Variants in KDM7A observed in about 807,000 individuals in gnomAD.
KDM7A encodes the protein lysine-specific demethylase 7A.
KDM7A carries 28 observed loss-of-function variants against 114.8 expected under a neutral mutation model. That is an observed-to-expected ratio of 0.24 (90% CI 0.18 to 0.33). The LOEUF (loss-of-function observed/expected upper bound fraction) is 0.33. KDM7A is among the 10% of genes least tolerant of loss of function. The pLI, the probability that KDM7A is intolerant of heterozygous loss-of-function variation, is 1.00. For synonymous variants in KDM7A, 423 were observed against 397.8 expected (o/e 1.06, Z -0.75); for missense variants, 942 against 1,142.5 (o/e 0.82, Z 2.53).
intron 3 of KDM7A, 95 bp downstream of exon 3, chr7:140,133,444 C>A (rs1378912977): frequency 2.8e-6 from 2 of 703,126 alleles, no homozygotes; most frequent in African/African-American, 3.5e-5. Flanking sequence ...TGGGTTGCAG[C>A]CTAAGTTTGA....
chr7:140,113,642 G>A, intron 9 of KDM7A, 60 bp from the exon 10 acceptor site: 11 of 843,742 alleles, frequency 1.3e-5, no homozygotes, highest in Non-Finnish European at 1.7e-5. Flanking sequence ...AAGTTAAAGG[G>A]ATTAACTTCA....
chr7:140,167,116 T>C (rs1794585158), intron 1 of KDM7A, among the ~76,000 whole-genome samples: 1 of 151,930 alleles, frequency 6.6e-6, no homozygotes, highest in African/African-American at 2.4e-5. Context: ...ATAAATAAAA[T>C]AAATAAAAGA....
intron 2 of KDM7A, among the ~76,000 whole-genome samples, chr7:140,137,897 A>G (rs1818896353): frequency 6.6e-6 from 1 of 152,258 alleles, no homozygotes; most frequent in Non-Finnish European, 1.5e-5. Flanking sequence ...AAGAGGTCAT[A>G]TAAGTTACCT....
intron 1 of KDM7A, among the ~76,000 whole-genome samples, chr7:140,157,103 A>T (rs1794465604): frequency 6.6e-6 from 1 of 152,250 alleles, no homozygotes; most frequent in African/African-American, 2.4e-5. Flanking sequence ...TTACTGAACA[A>T]AGATCAAGGA....
At position 140,087,243 on chromosome 7, in the gene KDM7A, T is replaced by C. The variant is rs1817942909; in HGVS notation, c.*3851A>G. 1 of 152,224 alleles carries C rather than the reference T, an allele frequency of 6.6e-6. No individual in the cohort carries two copies. Among genetic ancestry groups the C allele is most frequent in the Non-Finnish European group, 1.5e-5 (1 of 68,034 alleles). 9.4% of individuals were successfully genotyped at this position (152,224 alleles called of 1,614,324 possible). ...ACCTTTATCTAGTACCTGAAGAGTA[T>C]GCTGAATCTGTGGGGATGGTACTTT... On this transcript the variant is annotated 3_prime_UTR_variant, in exon 20 of 20. Coordinates refer to ENST00000397560, the MANE Select transcript of KDM7A (RefSeq NM_030647.2).
At chr7:140,147,557 C>G (rs1013617750) in intron 1 of KDM7A, among the ~76,000 whole-genome samples, 1 of 152,160 alleles carries the variant, frequency 6.6e-6, no homozygotes, top group South Asian at 2.1e-4. Context: ...AAGCACCCAA[C>G]TACTCATTTT....
chr7:140,153,813 T>C lies in KDM7A; in HGVS notation c.195-14623A>G, dbSNP rs926591055. On this transcript the variant is annotated intron_variant, in intron 1 of 19. Transcript: ENST00000397560. ...ATTTTATTACTCCATTTATGCTCAA[T>C]TGGATTTTACTTCCAGAGTTATCAT... Among the ~76,000 whole-genome samples, 29 of 152,346 alleles carry C rather than the reference T, an allele frequency of 1.9e-4. No individual in the cohort carries two copies. The South Asian group carries it at 5.2e-3, about 27-fold the overall frequency.
intron 18 of KDM7A, 50 bp downstream of exon 18, chr7:140,094,006 G>T: frequency 8.8e-7 from 1 of 1,130,720 alleles, no homozygotes; most frequent in Non-Finnish European, 1.3e-6. Context: ...CAAAAACAAC[G>T]TTAATGATCA....
intron 1 of KDM7A, among the ~76,000 whole-genome samples, chr7:140,151,585 A>C (rs3779129): frequency 0.34 from 52,399 of 152,042 alleles, 9,271 homozygotes; most frequent in Middle Eastern, 0.43. Flanking sequence ...TTTTCAATGA[A>C]AAAGGACACA....
intron 1 of KDM7A, among the ~76,000 whole-genome samples, chr7:140,142,841 T>C (rs1471850290): frequency 6.6e-6 from 1 of 152,128 alleles, no homozygotes; most frequent in Non-Finnish European, 1.5e-5. Context: ...TTGTGAAGTC[T>C]ATAAATAGTA....
intron 3 of KDM7A, among the ~76,000 whole-genome samples, chr7:140,132,131 A>G (rs1818797455): frequency 6.6e-6 from 1 of 152,198 alleles, no homozygotes; most frequent in Non-Finnish European, 1.5e-5. Context: ...AAGATAATTC[A>G]TTCACTTTAT....
chr7:140,143,824 A>G (rs62491423), intron 1 of KDM7A, among the ~76,000 whole-genome samples: 9,351 of 152,236 alleles, frequency 0.061, 366 homozygotes, highest in Non-Finnish European at 0.09. Context: ...AAGCTATTAC[A>G]CTTTGCTTTT....
intron 1 of KDM7A, among the ~76,000 whole-genome samples, chr7:140,167,649 A>C (rs1428281834): frequency 6.6e-6 from 1 of 152,094 alleles, no homozygotes; most frequent in Non-Finnish European, 1.5e-5. Context: ...TAGAAGCTTA[A>C]AAAATAAAAC....
chr7:140,165,862 T>C (rs983031055), intron 1 of KDM7A, among the ~76,000 whole-genome samples: 2 of 152,030 alleles, frequency 1.3e-5, no homozygotes, highest in Admixed American at 1.3e-4. Flanking sequence ...AAACAGTATG[T>C]TGAGTTCCTA....
Position 140,096,594 on chromosome 7 carries a change from C to T in KDM7A, c.2335G>A (p.Val779Ile). The T allele has an allele frequency of 6.2e-7, 1 of 1,614,184 alleles. No homozygotes were observed. The highest frequency in any genetic ancestry group is 8.5e-7 in the Non-Finnish European group (1 of 1,180,008). The change falls in exon 17 of 20, where the codon GTT becomes ATT. Residue 779 changes from valine (V) to isoleucine (I), a missense_variant. By Grantham distance (29) the Val-to-Ile change is conservative. Coordinates refer to ENST00000397560, the MANE Select transcript of KDM7A (RefSeq NM_030647.2). ...TTATCATAGCGATACAACTGCCTAA[C>T]CTCATGGTTACTGCCATGGCAGCTG... ...PSSCHGSNHEVRQLYRYDKPV... is the reference protein window; with the variant it reads ...PSSCHGSNHEIRQLYRYDKPV...
intron 2 of KDM7A, 62 bp from the exon 3 acceptor site, chr7:140,133,718 A>C: frequency 1.2e-6 from 1 of 868,762 alleles, no homozygotes; most frequent in Non-Finnish European, 1.9e-6. Flanking sequence ...TGTGATTTCT[A>C]ATCATTATAT....
chr7:140,133,085 G>C (rs187860139), intron 3 of KDM7A, among the ~76,000 whole-genome samples: 1 of 152,320 alleles, frequency 6.6e-6, no homozygotes, highest in East Asian at 1.9e-4. Context: ...CACCCCTGCA[G>C]TGGTTGTGTG....
intron 1 of KDM7A, 84 bp from the exon 2 acceptor site, chr7:140,139,274 A>C: frequency 1.2e-6 from 1 of 848,756 alleles, no homozygotes; most frequent in Non-Finnish European, 2.0e-6. Flanking sequence ...AATTTAGCTG[A>C]GAAATGTACA....
At chr7:140,149,851 T>C (rs1794379499) in intron 1 of KDM7A, among the ~76,000 whole-genome samples, 1 of 152,226 alleles carries the variant, frequency 6.6e-6, no homozygotes. Context: ...CTTGGCAATG[T>C]TTTTAAGTTA....
Sources: gnomAD v4.1 joint callset for allele counts (sites outside exome capture counted in the v4.1 genomes callset) on GRCh38, gnomAD v4.1.1 for gene constraint, MANE v1.5 for transcripts, NCBI Gene and HGNC (gene_info 2026-07-23, HGNC 2026-07-21) for gene names.